The following NCOA2 variants were observed in gnomAD, a reference collection of about 807,000 sequenced individuals.
NCOA2 encodes the protein class E basic helix-loop-helix protein 75.
A neutral mutation model predicts 145.1 loss-of-function variants in NCOA2; 21 were observed. The observed-to-expected ratio is 0.14, with a 90% CI of 0.10 to 0.21. The LOEUF (loss-of-function observed/expected upper bound fraction) is 0.21. NCOA2 is among the 10% of genes least tolerant of loss of function. The pLI, the probability that NCOA2 is intolerant of heterozygous loss-of-function variation, is 1.00. For missense variants in NCOA2, 1,472 were observed against 1,837.6 expected (o/e 0.80, Z 3.64); for synonymous variants, 619 against 637.5 (o/e 0.97, Z 0.44).
chr8:70,349,945 A>AT (rs1193042257), intron 1 of NCOA2, among the ~76,000 whole-genome samples: 14 of 152,104 alleles, frequency 9.2e-5, no homozygotes, highest in Admixed American at 9.2e-4. Flanking sequence ...GCATGATGGA[A>AT]TTTGAGTAAT....
intron 4 of NCOA2, among the ~76,000 whole-genome samples, chr8:70,200,598 T>C (rs1413730226): frequency 1.3e-5 from 2 of 152,114 alleles, no homozygotes; most frequent in Non-Finnish European, 2.9e-5. Context: ...GGTGACACAA[T>C]TGAAGGAACA....
chr8:70,242,466 C>T (rs1392681636), intron 2 of NCOA2, among the ~76,000 whole-genome samples: 2 of 152,120 alleles, frequency 1.3e-5, no homozygotes, highest in Non-Finnish European at 1.5e-5. Context: ...ACTACTAAAA[C>T]GCATGCTAAA....
intron 1 of NCOA2, among the ~76,000 whole-genome samples, chr8:70,393,932 G>A (rs6472525): frequency 0.083 from 12,671 of 152,170 alleles, 1,747 homozygotes; most frequent in African/African-American, 0.29. Context: ...TTCACTGTCA[G>A]TAAGTTCAGT....
At chr8:70,129,528 G>A (rs1808845106) in intron 16 of NCOA2, among the ~76,000 whole-genome samples, 1 of 152,166 alleles carries the variant, frequency 6.6e-6, no homozygotes, top group Non-Finnish European at 1.5e-5. Flanking sequence ...AATTCAGTTT[G>A]TGATTTGGGA....
intron 22 of NCOA2, among the ~76,000 whole-genome samples, chr8:70,116,186 TAA>T (rs71558579): frequency 3.3e-4 from 27 of 80,632 alleles, no homozygotes; most frequent in Admixed American, 9.6e-4. Flanking sequence ...GACTCTGTCT[TAA>T]AAAAAAAAAA....
chr8:70,120,706 G>A (rs146159275), intron 22 of NCOA2, among the ~76,000 whole-genome samples: 128 of 152,086 alleles, frequency 8.4e-4, no homozygotes, highest in Non-Finnish European at 1.4e-3. Flanking sequence ...GGGCAACAAA[G>A]CAAGACACTG....
intron 4 of NCOA2, among the ~76,000 whole-genome samples, chr8:70,178,985 T>C (rs1447619309): frequency 6.6e-6 from 1 of 152,200 alleles, no homozygotes; most frequent in African/African-American, 2.4e-5. Flanking sequence ...AAATTGTGAT[T>C]TGAAAGAAAA....
the NCOA2 span, among the ~76,000 whole-genome samples, chr8:70,431,071 T>C: frequency 6.6e-6 from 1 of 152,156 alleles, no homozygotes; most frequent in Non-Finnish European, 1.5e-5. Flanking sequence ...CTCTATCTTA[T>C]GAAAGTGTGA....
intron 3 of NCOA2, 140 bp from the exon 4 acceptor site, chr8:70,214,215 C>A (rs1819351402): frequency 1.2e-6 from 1 of 803,458 alleles, no homozygotes; most frequent in Non-Finnish European, 1.9e-6. Flanking sequence ...GGGGGAAAAA[C>A]ACAATTTTCC....
At chr8:70,233,192 C>A (rs1821302032) in intron 2 of NCOA2, among the ~76,000 whole-genome samples, 1 of 151,878 alleles carries the variant, frequency 6.6e-6, no homozygotes, top group Non-Finnish European at 1.5e-5. Flanking sequence ...CACCACTACA[C>A]TCCAGCCTGG....
At chr8:70,245,535 CCTT>C (rs776022862) in intron 2 of NCOA2, among the ~76,000 whole-genome samples, 2 of 152,030 alleles carry the variant, frequency 1.3e-5, no homozygotes, top group Non-Finnish European at 2.9e-5. Flanking sequence ...CTCTCCCTCT[CCTT>C]CTCTCTCACA....
At chr8:70,279,723 C>A (rs1825735408) in intron 2 of NCOA2, among the ~76,000 whole-genome samples, 2 of 152,166 alleles carry the variant, frequency 1.3e-5, no homozygotes, top group Non-Finnish European at 2.9e-5. Flanking sequence ...AGAGTCATTC[C>A]TGTAATTTTT....
At chr8:70,342,999 CTT>C (rs1808290302) in intron 1 of NCOA2, among the ~76,000 whole-genome samples, 2 of 152,050 alleles carry the variant, frequency 1.3e-5, no homozygotes, top group African/African-American at 4.8e-5. Flanking sequence ...TAACCATTAA[CTT>C]ATATTCTATT....
chr8:70,453,196 T>C, the NCOA2 span, among the ~76,000 whole-genome samples: 1 of 152,188 alleles, frequency 6.6e-6, no homozygotes, highest in South Asian at 2.1e-4. Flanking sequence ...GGCCAAAGTG[T>C]TCCTGATGAA....
At chr8:70,266,974 A>G (rs1013087024) in intron 2 of NCOA2, among the ~76,000 whole-genome samples, 1 of 152,266 alleles carries the variant, frequency 6.6e-6, no homozygotes, top group Non-Finnish European at 1.5e-5. Flanking sequence ...TTCTCTGGCT[A>G]AATGAATTTT....
intron 4 of NCOA2, among the ~76,000 whole-genome samples, chr8:70,197,542 G>C (rs942039342): frequency 1.4e-4 from 22 of 152,200 alleles, no homozygotes; most frequent in African/African-American, 5.3e-4. Context: ...GTGCTTTACA[G>C]GTCTTTATAT....
At chr8:70,389,305 A>G (rs939999349) in intron 1 of NCOA2, among the ~76,000 whole-genome samples, 1 of 151,142 alleles carries the variant, frequency 6.6e-6, no homozygotes, top group African/African-American at 2.4e-5. Context: ...TTTGAGACGC[A>G]GTTTCGCTCT....
chr8:70,132,713 G>T (rs536526576), intron 15 of NCOA2, among the ~76,000 whole-genome samples: 1 of 152,220 alleles, frequency 6.6e-6, no homozygotes, highest in African/African-American at 2.4e-5. Flanking sequence ...ATAGGCACGC[G>T]CCACCACGCC....
intron 1 of NCOA2, among the ~76,000 whole-genome samples, chr8:70,314,793 A>C (rs1438272112): frequency 6.6e-6 from 1 of 152,238 alleles, no homozygotes; most frequent in Non-Finnish European, 1.5e-5. Context: ...TTATATAATG[A>C]ATTGAGAATT....
Sources: allele counts gnomAD v4.1 joint callset (sites outside exome capture counted in the v4.1 genomes callset), GRCh38; gene constraint gnomAD v4.1.1; transcripts MANE v1.5; gene names NCBI Gene and HGNC (gene_info 2026-07-23, HGNC 2026-07-21).